The following REDIC1 variants were observed in gnomAD, a reference collection of about 807,000 sequenced individuals.
REDIC1 encodes the protein HEI10 Interacting Protein 1.
chr12:39,632,245 C>T, the REDIC1 span, among the ~76,000 whole-genome samples: 4 of 151,640 alleles, frequency 2.6e-5, no homozygotes, highest in South Asian at 2.1e-4. Flanking sequence ...TACAGGTACC[C>T]GACCACCACG....
At chr12:39,631,406 G>A in the REDIC1 span, among the ~76,000 whole-genome samples, 1 of 151,644 alleles carries the variant, frequency 6.6e-6, no homozygotes, top group Non-Finnish European at 1.5e-5. Context: ...CAGATATATT[G>A]GAATATTGTG....
chr12:39,752,505 T>C, the REDIC1 span, among the ~76,000 whole-genome samples: 1 of 152,010 alleles, frequency 6.6e-6, no homozygotes, highest in Admixed American at 6.6e-5. Context: ...GCTGTTCTGG[T>C]GGGAGAAACA....
chr12:39,668,712 C>G, the REDIC1 span, among the ~76,000 whole-genome samples: 2 of 152,124 alleles, frequency 1.3e-5, no homozygotes, highest in African/African-American at 4.8e-5. Context: ...TAGATTTGGT[C>G]TTTTCACATA....
chr12:39,644,040 C>G, the REDIC1 span: 3 of 791,458 alleles, frequency 3.8e-6, no homozygotes, highest in Non-Finnish European at 5.8e-6. Context: ...AATTTGGTTG[C>G]TCTCTTAAAT....
chr12:39,859,668 A>G, the REDIC1 span, among the ~76,000 whole-genome samples: 4 of 151,770 alleles, frequency 2.6e-5, no homozygotes, highest in Admixed American at 6.6e-5. Context: ...GATTACAGGC[A>G]CCCACAACCG....
the REDIC1 span, among the ~76,000 whole-genome samples, chr12:39,694,284 A>G: frequency 6.6e-6 from 1 of 152,216 alleles, no homozygotes; most frequent in Non-Finnish European, 1.5e-5. Context: ...TAAGAACTGC[A>G]TAAGAGCACT....
chr12:39,685,027 A>T, the REDIC1 span: 1 of 771,562 alleles, frequency 1.3e-6, no homozygotes, highest in Non-Finnish European at 2.0e-6. Flanking sequence ...CTTAACATTT[A>T]TTCATTAATT....
chr12:39,639,798 T>A, the REDIC1 span, among the ~76,000 whole-genome samples: 21 of 152,122 alleles, frequency 1.4e-4, no homozygotes, highest in Admixed American at 3.3e-4. Flanking sequence ...TAGCAATTAT[T>A]ATTTTGATAT....
chr12:39,803,587 T>G, the REDIC1 span, among the ~76,000 whole-genome samples: 3 of 151,976 alleles, frequency 2.0e-5, no homozygotes, highest in African/African-American at 7.2e-5. Flanking sequence ...CATATATATA[T>G]AGAGTCAGAA....
chr12:39,633,659 A>G, the REDIC1 span, among the ~76,000 whole-genome samples: 1 of 152,172 alleles, frequency 6.6e-6, no homozygotes, highest in Non-Finnish European at 1.5e-5. Context: ...GGATCACCAC[A>G]ACATGTTAGT....
At chr12:39,658,415 G>C in the REDIC1 span, among the ~76,000 whole-genome samples, 1 of 152,074 alleles carries the variant, frequency 6.6e-6, no homozygotes, top group Admixed American at 6.5e-5. Context: ...TCTTTCTTTG[G>C]ATTTCTGTTT....
the REDIC1 span, among the ~76,000 whole-genome samples, chr12:39,886,547 T>C: frequency 9.9e-5 from 15 of 152,278 alleles, no homozygotes; most frequent in African/African-American, 3.6e-4. Context: ...CCGAGAAGTA[T>C]TGAACCATCT....
chr12:39,851,580 C>T, the REDIC1 span, among the ~76,000 whole-genome samples: 1 of 152,136 alleles, frequency 6.6e-6, no homozygotes, highest in Non-Finnish European at 1.5e-5. Context: ...GCAACATTAT[C>T]ATCCATGCTA....
chr12:39,879,645 C>T, the REDIC1 span, among the ~76,000 whole-genome samples: 1 of 152,148 alleles, frequency 6.6e-6, no homozygotes, highest in African/African-American at 2.4e-5. Flanking sequence ...TATTTGTTTA[C>T]CCAATGCCTA....
At chr12:39,775,306 G>C in the REDIC1 span, among the ~76,000 whole-genome samples, 1 of 152,314 alleles carries the variant, frequency 6.6e-6, no homozygotes, top group Admixed American at 6.5e-5. Context: ...CTTAGGTAAC[G>C]TAAGTTACTT....
chr12:39,680,997 T>A, the REDIC1 span, among the ~76,000 whole-genome samples: 1 of 151,932 alleles, frequency 6.6e-6, no homozygotes, highest in Non-Finnish European at 1.5e-5. Flanking sequence ...ATGGACCGGG[T>A]GTGGTGGCCT....
the REDIC1 span, among the ~76,000 whole-genome samples, chr12:39,709,815 A>T: frequency 6.6e-6 from 1 of 151,798 alleles, no homozygotes; most frequent in Non-Finnish European, 1.5e-5. Flanking sequence ...GTATGCAATT[A>T]TCTCTTCTAT....
chr12:39,687,696 C>T, the REDIC1 span, among the ~76,000 whole-genome samples: 9 of 152,216 alleles, frequency 5.9e-5, no homozygotes, highest in Non-Finnish European at 1.3e-4. Flanking sequence ...ACCATATCAT[C>T]TTTCAACATG....
the REDIC1 span, among the ~76,000 whole-genome samples, chr12:39,666,097 A>C: frequency 6.6e-6 from 1 of 152,230 alleles, no homozygotes; most frequent in Non-Finnish European, 1.5e-5. Flanking sequence ...AACTTCCAAT[A>C]CTATGTTGAA....
Sources: gnomAD v4.1 joint callset for allele counts (sites outside exome capture counted in the v4.1 genomes callset) on GRCh38, gnomAD v4.1.1 for gene constraint, MANE v1.5 for transcripts, NCBI Gene and HGNC (gene_info 2026-07-23, HGNC 2026-07-21) for gene names.